The following DLG2 variants were observed in gnomAD, a reference collection of about 807,000 sequenced individuals.
DLG2 encodes discs large MAGUK scaffold protein 2, also known as disks large homolog 2.
DLG2 carries 45 observed loss-of-function variants against 132.5 expected under a neutral mutation model. The ratio of observed to expected loss-of-function variants is 0.34; its 90% CI spans 0.27 to 0.44. The LOEUF (loss-of-function observed/expected upper bound fraction) is 0.44. DLG2 is among the 20% of genes least tolerant of loss of function. DLG2 has a pLI of 1.00. For missense variants in DLG2, 1,045 were observed against 1,196.9 expected (o/e 0.87, Z 1.87); for synonymous variants, 424 against 419.6 (o/e 1.01, Z -0.13).
intron 16 of DLG2, among the ~76,000 whole-genome samples, chr11:83,837,888 T>C (rs1447680094): frequency 6.6e-6 from 1 of 152,106 alleles, no homozygotes; most frequent in Admixed American, 6.6e-5. Flanking sequence ...GCTTTTTAAA[T>C]AAGAGGGTGG....
intron 6 of DLG2, among the ~76,000 whole-genome samples, chr11:84,979,710 A>G (rs977517490): frequency 1.3e-5 from 2 of 152,174 alleles, no homozygotes; most frequent in Non-Finnish European, 2.9e-5. Context: ...ATATTAAATG[A>G]CAAGTTAACG....
intron 6 of DLG2, among the ~76,000 whole-genome samples, chr11:84,553,554 T>G (rs2099406095): frequency 6.6e-6 from 1 of 152,200 alleles, no homozygotes; most frequent in Admixed American, 6.5e-5. Flanking sequence ...GAGAATAAGA[T>G]ATCACAGTCT....
At chr11:85,186,906 T>A (rs900958129) in intron 4 of DLG2, among the ~76,000 whole-genome samples, 4 of 152,138 alleles carry the variant, frequency 2.6e-5, no homozygotes, top group Non-Finnish European at 5.9e-5. Context: ...AGAATATACA[T>A]TTTAAATTAA....
intron 6 of DLG2, among the ~76,000 whole-genome samples, chr11:84,834,874 G>A (rs568127822): frequency 2.6e-5 from 4 of 151,062 alleles, no homozygotes; most frequent in Non-Finnish European, 5.9e-5. Flanking sequence ...TATGTTTCAT[G>A]GAATACTGGT....
At chr11:83,616,254 T>C (rs536528969) in intron 19 of DLG2, among the ~76,000 whole-genome samples, 12 of 152,324 alleles carry the variant, frequency 7.9e-5, no homozygotes, top group Admixed American at 3.9e-4. Context: ...CTATTGGGTA[T>C]ATACCTAGGG....
intron 3 of DLG2, among the ~76,000 whole-genome samples, chr11:85,324,003 T>C (rs1230548650): frequency 1.3e-5 from 2 of 152,234 alleles, no homozygotes; most frequent in Non-Finnish European, 2.9e-5. Context: ...GCAAAGATTC[T>C]CAGACTGGTG....
intron 5 of DLG2, among the ~76,000 whole-genome samples, chr11:85,119,777 A>T (rs2074089009): frequency 6.6e-6 from 1 of 152,100 alleles, no homozygotes; most frequent in Non-Finnish European, 1.5e-5. Context: ...AAGAAATGCC[A>T]TTCAGAAACA....
At chr11:84,804,456 T>C (rs575089356) in intron 6 of DLG2, among the ~76,000 whole-genome samples, 1 of 152,154 alleles carries the variant, frequency 6.6e-6, no homozygotes, top group African/African-American at 2.4e-5. Flanking sequence ...ATAAAACCCC[T>C]GGGCATTATA....
At chr11:85,319,516 C>T (rs910564764) in intron 3 of DLG2, among the ~76,000 whole-genome samples, 1 of 151,770 alleles carries the variant, frequency 6.6e-6, no homozygotes, top group African/African-American at 2.4e-5. Context: ...TTTGTATAAA[C>T]ACTATCCTCT....
intron 3 of DLG2, among the ~76,000 whole-genome samples, chr11:85,574,452 TG>T (rs2078036424): frequency 6.6e-6 from 1 of 151,984 alleles, no homozygotes; most frequent in East Asian, 1.9e-4. Context: ...GACTCCTCCT[TG>T]ACTCTTCTGT....
chr11:83,871,909 G>C (rs753148309), intron 16 of DLG2, among the ~76,000 whole-genome samples: 7 of 151,988 alleles, frequency 4.6e-5, no homozygotes, highest in African/African-American at 1.7e-4. Context: ...CTTAGACTAA[G>C]TGTATATTTA....
chr11:83,983,270 T>A (rs1249487612), intron 11 of DLG2, among the ~76,000 whole-genome samples: 1 of 152,088 alleles, frequency 6.6e-6, no homozygotes, highest in Non-Finnish European at 1.5e-5. Context: ...ATAATTAACA[T>A]GCAAATTACT....
intron 17 of DLG2, chr11:83,791,694 G>GAAA (rs2041598032): frequency 3.8e-6 from 1 of 264,150 alleles, no homozygotes; most frequent in South Asian, 4.1e-5. Context: ...AACACTTTGG[G>GAAA]AGTTCGAGGT....
intron 19 of DLG2, among the ~76,000 whole-genome samples, chr11:83,574,244 A>G (rs1418719393): frequency 6.6e-6 from 1 of 152,164 alleles, no homozygotes; most frequent in African/African-American, 2.4e-5. Context: ...TTGCAGAAAT[A>G]GCTGTTATAT....
intron 3 of DLG2, among the ~76,000 whole-genome samples, chr11:85,549,348 C>G (rs1367575650): frequency 6.6e-6 from 1 of 152,172 alleles, no homozygotes; most frequent in Non-Finnish European, 1.5e-5. Context: ...AACCGGTTAC[C>G]TCAGCTGGAA....
chr11:83,652,344 C>T (rs920122840), intron 18 of DLG2, among the ~76,000 whole-genome samples: 11 of 152,074 alleles, frequency 7.2e-5, no homozygotes, highest in Non-Finnish European at 1.0e-4. Flanking sequence ...ATAGTCCTCA[C>T]GTGTATATTT....
At chr11:84,691,273 G>A (rs554996938) in intron 6 of DLG2, among the ~76,000 whole-genome samples, 36 of 151,804 alleles carry the variant, frequency 2.4e-4, no homozygotes, top group African/African-American at 5.8e-4. Flanking sequence ...TCAAGCTTCC[G>A]GAGGTAGTGA....
chr11:84,296,406 A>G lies in DLG2; in HGVS notation c.520-45115T>C, dbSNP rs375844383. Among the ~76,000 whole-genome samples the G allele has an allele frequency of 7.9e-5, 12 of 152,150 alleles. No homozygotes were observed. In the East Asian group the frequency reaches 2.1e-3, roughly 27 times the overall value. On this transcript the variant is annotated intron_variant, in intron 7 of 27. Coordinates refer to ENST00000376104, the MANE Select transcript of DLG2 (RefSeq NM_001142699.3). ...TCACGTTTGGAGGAGTTGTTAATGA[A>G]CCCAATGGATGTGTTCCAGAGATGT... is the stretch of plus-strand genomic sequence containing the variant.
chr11:83,735,375 A>G (rs1208499989), intron 18 of DLG2, among the ~76,000 whole-genome samples: 1 of 152,246 alleles, frequency 6.6e-6, no homozygotes, highest in African/African-American at 2.4e-5. Flanking sequence ...GCACAGGCAG[A>G]GAGGTGGAAT....
Sources: gnomAD v4.1 joint callset for allele counts (sites outside exome capture counted in the v4.1 genomes callset) on GRCh38, gnomAD v4.1.1 for gene constraint, MANE v1.5 for transcripts, NCBI Gene and HGNC (gene_info 2026-07-23, HGNC 2026-07-21) for gene names.